LDB2: variants seen among roughly 807,000 people sequenced by gnomAD.
LDB2 encodes LIM domain binding 2, also known as LIM domain-binding protein 2.
Under a neutral mutation model 44.3 loss-of-function variants are expected in LDB2, and 12 were observed. The observed-to-expected ratio is 0.27, with a 90% CI of 0.17 to 0.44. The LOEUF is 0.44. Ranked by LOEUF, LDB2 falls within the 20% of genes least tolerant of loss-of-function variation. The pLI is 1.00. For missense variants in LDB2, 344 were observed against 473.5 expected, an observed-to-expected ratio of 0.73 and a Z score of 2.54; for synonymous variants, 164 against 174.8, an observed-to-expected ratio of 0.94 and a Z score of 0.49.
intron 1 of LDB2, among the ~76,000 whole-genome samples, chr4:16,792,549 C>T (rs964651681): frequency 5.9e-5 from 9 of 152,184 alleles, no homozygotes; most frequent in African/African-American, 2.2e-4. Flanking sequence ...CTAAGTCCTC[C>T]TCTCCACAAC....
chr4:16,690,277 A>G (rs1750309456), intron 2 of LDB2, among the ~76,000 whole-genome samples: 1 of 151,740 alleles, frequency 6.6e-6, no homozygotes, highest in Non-Finnish European at 1.5e-5. Context: ...CCTGGGCAAC[A>G]TGAGAAAACA....
At chr4:16,503,447 C>T (rs1560290435) in intron 7 of LDB2, among the ~76,000 whole-genome samples, 1 of 152,186 alleles carries the variant, frequency 6.6e-6, no homozygotes, top group African/African-American at 2.4e-5. Context: ...TTTTATGCAG[C>T]CAATATCCTT....
intron 5 of LDB2, among the ~76,000 whole-genome samples, chr4:16,577,222 C>G (rs993184466): frequency 2.0e-5 from 3 of 152,048 alleles, no homozygotes; most frequent in African/African-American, 7.2e-5. Context: ...ACGGGAAGTC[C>G]TAGCTAGAGT....
intron 2 of LDB2, among the ~76,000 whole-genome samples, chr4:16,722,552 G>C: frequency 6.6e-6 from 1 of 152,140 alleles, no homozygotes; most frequent in East Asian, 1.9e-4. Flanking sequence ...TTTAAGATGT[G>C]TATCAACTGT....
At position 16,635,866 on chromosome 4, in the gene LDB2, C is replaced by T. The variant is rs140871989; in HGVS notation, c.236-39991G>A. 2.2e-3 allele frequency among the ~76,000 whole-genome samples: 342 copies of T among 152,196 alleles called. 2 individuals are homozygous for T. Among genetic ancestry groups the T allele is most frequent in the African/African-American group, 7.9e-3 (327 of 41,494 alleles). ...CAATATGATTCCAGGTCAGGGCTCA[C>T]GGTCTATAGTATAGGTGAAATGTAA... is the stretch of plus-strand genomic sequence containing the variant. On this transcript the variant is annotated intron_variant, in intron 2 of 7. Coordinates refer to ENST00000304523, the MANE Select transcript of LDB2 (RefSeq NM_001290.5).
At chr4:16,859,714 G>T (rs1444356213) in intron 1 of LDB2, among the ~76,000 whole-genome samples, 1 of 152,166 alleles carries the variant, frequency 6.6e-6, no homozygotes, top group African/African-American at 2.4e-5. Flanking sequence ...AGAGGAAGAT[G>T]ACTTTTCAAG....
chr4:16,814,310 G>A (rs1780508546), intron 1 of LDB2, among the ~76,000 whole-genome samples: 1 of 152,156 alleles, frequency 6.6e-6, no homozygotes, highest in African/African-American at 2.4e-5. Flanking sequence ...CTGTTCCAGG[G>A]CAACCATGTG....
At chr4:16,538,143 A>G (rs952170079) in intron 5 of LDB2, among the ~76,000 whole-genome samples, 2 of 152,056 alleles carry the variant, frequency 1.3e-5, no homozygotes, top group Non-Finnish European at 2.9e-5. Context: ...ATGTCCTGGG[A>G]CTTCTTGCCT....
rs144984372 is a variant in LDB2, at chr4:16,504,216, G to T, written c.892-1343C>A. Reference sequence around the variant, plus strand: ...CTTTGCCCAGAGAAGGCCTTCCTGGGACAGTAGAATGGAATACTGCCTACT... The same window carrying T: ...CTTTGCCCAGAGAAGGCCTTCCTGGTACAGTAGAATGGAATACTGCCTACT... On this transcript the variant is annotated intron_variant, in intron 7 of 7. Coordinates refer to ENST00000304523, the MANE Select transcript of LDB2 (RefSeq NM_001290.5). 2.2e-3 allele frequency among the ~76,000 whole-genome samples: 333 copies of T among 152,280 alleles called. 1 individual carries two copies. Among genetic ancestry groups the T allele is most frequent in the African/African-American group, 7.5e-3 (313 of 41,566 alleles).
intron 2 of LDB2, among the ~76,000 whole-genome samples, chr4:16,617,746 CAGA>C (rs955168089): frequency 4.6e-5 from 7 of 152,020 alleles, no homozygotes; most frequent in Admixed American, 3.9e-4. Flanking sequence ...AAGAAGTATG[CAGA>C]AGAAGAAGAA....
intron 1 of LDB2, among the ~76,000 whole-genome samples, chr4:16,890,274 A>G (rs1309178166): frequency 6.6e-6 from 1 of 152,220 alleles, no homozygotes; most frequent in Admixed American, 6.5e-5. Flanking sequence ...GAGAGGAAGC[A>G]GGAGAGTCAC....
intron 1 of LDB2, among the ~76,000 whole-genome samples, chr4:16,778,670 G>A (rs975974861): frequency 8.5e-5 from 13 of 152,106 alleles, no homozygotes; most frequent in East Asian, 7.7e-4. Context: ...ATATTAGCTC[G>A]CCATTTTGAA....
rs1554066 is a variant in LDB2, at chr4:16,749,252, G to C, written c.235+9906C>G. 1.1e-3 allele frequency among the ~76,000 whole-genome samples: 169 copies of C among 152,072 alleles called. 1 individual carries two copies. The highest frequency in any genetic ancestry group is 3.8e-3 in the African/African-American group (156 of 41,468). ...AAATCAGTCTTAGCATTGTAGGTTG[G>C]GTAGGCATAATTTTAGTTTGAAGTT... On this transcript the variant is annotated intron_variant, in intron 2 of 7. Transcript: ENST00000304523.
intron 2 of LDB2, among the ~76,000 whole-genome samples, chr4:16,697,447 G>A (rs1752431926): frequency 6.6e-6 from 1 of 151,148 alleles, no homozygotes; most frequent in Admixed American, 6.6e-5. Flanking sequence ...GGGCGACAGA[G>A]CAAGACTCCG....
At chr4:16,773,027 G>C (rs16893972) in intron 1 of LDB2, among the ~76,000 whole-genome samples, 6,851 of 152,240 alleles carry the variant, frequency 0.045, 189 homozygotes, top group Middle Eastern at 0.071. Flanking sequence ...TTGATGAGGA[G>C]TGTGGAGACA....
chr4:16,509,448 T>G (rs1720845602), intron 6 of LDB2, among the ~76,000 whole-genome samples: 1 of 152,176 alleles, frequency 6.6e-6, no homozygotes, highest in South Asian at 2.1e-4. Context: ...TATTTTGGAC[T>G]TGAAGGATGG....
intron 5 of LDB2, among the ~76,000 whole-genome samples, chr4:16,520,810 C>A (rs1194902284): frequency 6.6e-6 from 1 of 152,168 alleles, no homozygotes; most frequent in Non-Finnish European, 1.5e-5. Context: ...TGGGGCAGCC[C>A]TGTCAGACTA....
intron 1 of LDB2, among the ~76,000 whole-genome samples, chr4:16,775,738 T>C (rs1771745791): frequency 6.6e-6 from 1 of 152,150 alleles, no homozygotes; most frequent in African/African-American, 2.4e-5. Context: ...GTCTCCCTCA[T>C]GAGAAATGAG....
chr4:16,518,502 A>G (rs1209809449), intron 5 of LDB2, among the ~76,000 whole-genome samples: 3 of 147,758 alleles, frequency 2.0e-5, no homozygotes, highest in African/African-American at 7.5e-5. Context: ...TTTCGCTTTT[A>G]AAAGGCCTTC....
Sources: allele counts gnomAD v4.1 joint callset (sites outside exome capture counted in the v4.1 genomes callset), GRCh38; gene constraint gnomAD v4.1.1; transcripts MANE v1.5; gene names NCBI Gene and HGNC (gene_info 2026-07-23, HGNC 2026-07-21).